The following KCNH1 variants were observed in gnomAD, a reference collection of about 807,000 sequenced individuals.
KCNH1 encodes voltage-gated delayed rectifier potassium channel KCNH1.
KCNH1 carries 27 observed loss-of-function variants against 69.2 expected under a neutral mutation model. The ratio of observed to expected loss-of-function variants is 0.39; its 90% CI spans 0.29 to 0.54. KCNH1 has a LOEUF of 0.54. Among genes scored for constraint, KCNH1 ranks in the 20% least tolerant of loss-of-function variants. The pLI is 0.68. For synonymous variants in KCNH1, 456 were observed against 487.7 expected, an observed-to-expected ratio of 0.93 and a Z score of 0.86; for missense variants, 798 against 1,261.6, an observed-to-expected ratio of 0.63 and a Z score of 5.57.
intron 9 of KCNH1, among the ~76,000 whole-genome samples, chr1:210,796,504 C>T (rs541297615): frequency 3.0e-4 from 45 of 152,252 alleles, no homozygotes; most frequent in African/African-American, 1.0e-3. Flanking sequence ...AAACTAGACA[C>T]ATTTCCTAAA....
Position 210,717,722 on chromosome 1 carries a change from G to A in KCNH1, c.2113-33584C>T, listed in dbSNP as rs182910564. ...ACTCAGGAACAGCAGATTCCCTTGA[G>A]GAGTGCTGTCCAAGAGAAATATAAC... On this transcript the variant is annotated intron_variant, in intron 10 of 10. Coordinates refer to ENST00000271751, the MANE Select transcript of KCNH1 (RefSeq NM_172362.3). Among the ~76,000 whole-genome samples the A allele has an allele frequency of 4.0e-3, 606 of 152,332 alleles. 5 individuals are homozygous for A. The highest frequency in any genetic ancestry group is 0.014 in the African/African-American group (568 of 41,566).
chr1:210,892,267 T>G (rs532964480), intron 7 of KCNH1, among the ~76,000 whole-genome samples: 1 of 152,170 alleles, frequency 6.6e-6, no homozygotes, highest in South Asian at 2.1e-4. Context: ...CACCATTCCC[T>G]GGATGCCTGA....
chr1:210,837,694 T>A (rs61851019), intron 7 of KCNH1, among the ~76,000 whole-genome samples: 8,950 of 152,152 alleles, frequency 0.059, 367 homozygotes, highest in Non-Finnish European at 0.092. Context: ...TCCCTAGAAC[T>A]CAATCCTTCA....
intron 7 of KCNH1, among the ~76,000 whole-genome samples, chr1:210,812,813 A>G (rs1245819926): frequency 1.3e-5 from 2 of 152,176 alleles, no homozygotes; most frequent in East Asian, 1.9e-4. Context: ...TCTGCTTTCT[A>G]TGTTAAGGGA....
intron 7 of KCNH1, among the ~76,000 whole-genome samples, chr1:210,834,863 A>T (rs1482310914): frequency 1.3e-5 from 2 of 152,038 alleles, no homozygotes; most frequent in Non-Finnish European, 2.9e-5. Flanking sequence ...CCAAATGCAG[A>T]TTCTGATGGT....
chr1:210,987,995 C>A (rs1369486853), intron 6 of KCNH1, among the ~76,000 whole-genome samples: 4 of 152,222 alleles, frequency 2.6e-5, no homozygotes, highest in Non-Finnish European at 5.9e-5. Flanking sequence ...GGCGCCCCTC[C>A]CCCAGCCTCG....
At chr1:210,830,092 G>T (rs7514500) in intron 7 of KCNH1, among the ~76,000 whole-genome samples, 94,444 of 151,936 alleles carry the variant, frequency 0.62, 30,409 homozygotes, top group African/African-American at 0.79. Context: ...TATTAATAAA[G>T]AAATGATTCC....
intron 6 of KCNH1, among the ~76,000 whole-genome samples, chr1:211,008,884 T>A (rs1398453230): frequency 6.6e-6 from 1 of 152,232 alleles, no homozygotes; most frequent in Non-Finnish European, 1.5e-5. Flanking sequence ...AAAGCCTATA[T>A]CAGATTATGA....
intron 10 of KCNH1, among the ~76,000 whole-genome samples, chr1:210,718,288 G>A (rs1682315677): frequency 9.0e-6 from 1 of 111,692 alleles, no homozygotes; most frequent in Admixed American, 1.0e-4. Context: ...ATAAAAATAT[G>A]TGTATATAAA....
intron 10 of KCNH1, among the ~76,000 whole-genome samples, chr1:210,749,979 G>A (rs1683246921): frequency 6.6e-6 from 1 of 152,136 alleles, no homozygotes; most frequent in Admixed American, 6.5e-5. Flanking sequence ...CTGATCTCAG[G>A]TGATCTGCCC....
intron 9 of KCNH1, among the ~76,000 whole-genome samples, chr1:210,794,354 T>C (rs1425955422): frequency 3.3e-5 from 5 of 152,216 alleles, no homozygotes; most frequent in Non-Finnish European, 7.3e-5. Context: ...GAGAAGCTTT[T>C]TCTAGTGTAG....
chr1:211,010,921 C>G (rs1202433449), intron 6 of KCNH1, among the ~76,000 whole-genome samples: 4 of 152,130 alleles, frequency 2.6e-5, no homozygotes, highest in African/African-American at 9.7e-5. Context: ...GATGGTGAGT[C>G]AACAGAGGGG....
chr1:210,831,309 T>C (rs1685158019), intron 7 of KCNH1, among the ~76,000 whole-genome samples: 1 of 152,230 alleles, frequency 6.6e-6, no homozygotes, highest in Non-Finnish European at 1.5e-5. Flanking sequence ...CATCCAAGTT[T>C]ATATTCAGAA....
At chr1:210,745,105 G>C (rs961437237) in intron 10 of KCNH1, among the ~76,000 whole-genome samples, 8 of 152,212 alleles carry the variant, frequency 5.3e-5, no homozygotes, top group Admixed American at 1.3e-4. Flanking sequence ...CTGGAGGCTG[G>C]AGACACAAGA....
Position 210,864,885 on chromosome 1 carries a change from C to T in KCNH1, c.1462+54755G>A, listed in dbSNP as rs544214306. 1.4e-4 allele frequency among the ~76,000 whole-genome samples: 21 copies of T among 152,334 alleles called. No individual in the cohort carries two copies. The South Asian group carries it at 4.1e-3, about 30-fold the overall frequency. On this transcript the variant is annotated intron_variant, in intron 7 of 10. Coordinates refer to ENST00000271751, the MANE Select transcript of KCNH1 (RefSeq NM_172362.3). ...TCACATAACTGGTGGTTGACCCATG[C>T]TGTCAGCTAGAACCTGAAGCTGTAA...
At chr1:210,963,561 T>A (rs1022093357) in intron 6 of KCNH1, among the ~76,000 whole-genome samples, 1 of 151,582 alleles carries the variant, frequency 6.6e-6, no homozygotes, top group African/African-American at 2.4e-5. Flanking sequence ...GTAGAGGAAT[T>A]GCTAACTAGA....
intron 7 of KCNH1, among the ~76,000 whole-genome samples, chr1:210,906,498 T>G (rs1283520925): frequency 1.3e-5 from 2 of 152,198 alleles, no homozygotes; most frequent in Non-Finnish European, 2.9e-5. Context: ...TTATTGTCAT[T>G]CCACACAGTG....
At chr1:210,696,513 A>G (rs1453538080) in intron 10 of KCNH1, among the ~76,000 whole-genome samples, 1 of 152,166 alleles carries the variant, frequency 6.6e-6, no homozygotes, top group African/African-American at 2.4e-5. Context: ...GCTCCGGTTC[A>G]AGCCTAGCAA....
chr1:210,937,979 A>G (rs1395335595), intron 6 of KCNH1, among the ~76,000 whole-genome samples: 1 of 152,158 alleles, frequency 6.6e-6, no homozygotes, highest in East Asian at 1.9e-4. Context: ...ATGACCTGCA[A>G]ATCTACCTTT....
Sources: allele counts gnomAD v4.1 joint callset (sites outside exome capture counted in the v4.1 genomes callset), GRCh38; gene constraint gnomAD v4.1.1; transcripts MANE v1.5; gene names NCBI Gene and HGNC (gene_info 2026-07-23, HGNC 2026-07-21).